ADAMTS15: variants seen among roughly 807,000 people sequenced by gnomAD.
ADAMTS15 encodes the protein ADAM metallopeptidase with thrombospondin type 1 motif 15.
ADAMTS15 carries 35 observed loss-of-function variants against 79.1 expected under a neutral mutation model. The observed-to-expected ratio is 0.44, with a 90% CI of 0.34 to 0.59. The LOEUF (loss-of-function observed/expected upper bound fraction) is 0.59, where lower values mean the gene tolerates loss of function less well. Ranked by LOEUF, ADAMTS15 falls within the 20% of genes least tolerant of loss-of-function variation. ADAMTS15 has a pLI of 0.02. For synonymous variants in ADAMTS15, 616 were observed against 567.3 expected, an observed-to-expected ratio of 1.09 and a Z score of -1.22; for missense variants, 1,324 against 1,318.7, an observed-to-expected ratio of 1.00 and a Z score of -0.06.
Position 130,462,689 on chromosome 11 carries a change from A to C in ADAMTS15, c.1451A>C (p.His484Pro). 2.5e-6 allele frequency: 4 copies of C among 1,613,412 alleles called. No individual in the cohort carries two copies. The highest frequency in any genetic ancestry group is 3.4e-6 in the Non-Finnish European group (4 of 1,179,398). Residue 484 changes from histidine to proline, a missense_variant, in exon 4 of 8, where the codon CAC becomes CCC. By Grantham distance (77) the His-to-Pro change is moderately conservative. Transcript: ENST00000299164. This position sits in a 1 kb window ranked among gnomAD's most constrained non-coding sequence, Gnocchi z 4.3. ...GGACAGATGGTGTGCCAGACCCGCC[A>C]CTTCCCCTGGGCCGATGGCACCAGC... ...AKGQMVCQTR[H>P]FPWADGTSCG...
intron 4 of ADAMTS15, among the ~76,000 whole-genome samples, chr11:130,466,628 C>A (rs1229952458): frequency 6.6e-6 from 1 of 152,234 alleles, no homozygotes; most frequent in Non-Finnish European, 1.5e-5. Context: ...TGGATTAATG[C>A]AGTTGCCTCC....
At position 130,449,493 on chromosome 11, in the gene ADAMTS15, T is replaced by C. The variant is rs1455243347; in HGVS notation, c.520T>C (p.Cys174Arg). ...GCCTTCCGGAGACCCCACCTCTCGC[T>C]GCGGGGTGGCCTCGGGCTGGAACCC... ...GGPSGDPTSR[C>R]GVASGWNPAI... Residue 174 changes from cysteine (C) to arginine (R), a missense_variant, in exon 1 of 8, where the codon TGC (cysteine) becomes CGC (arginine). Transcript: ENST00000299164. This position sits in a 1 kb window ranked among gnomAD's most constrained non-coding sequence, Gnocchi z 7.8. 1 of 1,557,406 alleles carries C rather than the reference T, an allele frequency of 6.4e-7. No individual in the cohort carries two copies. Among genetic ancestry groups the C allele is most frequent in the South Asian group, 1.2e-5 (1 of 82,780 alleles).
At chr11:130,450,089 T>G (rs899965133) in intron 1 of ADAMTS15, 159 bp downstream of exon 1, 2 of 985,342 alleles carry the variant, frequency 2.0e-6, no homozygotes, top group African/African-American at 1.7e-5. Flanking sequence ...GGGAGAGCCC[T>G]CTCCCACGCT....
chr11:130,471,113 T>C lies in ADAMTS15; in HGVS notation c.1902+12T>C, dbSNP rs371359279. The C allele has an allele frequency of 1.2e-6, 2 of 1,608,620 alleles. No individual in the cohort carries two copies. Among genetic ancestry groups the C allele is most frequent in the African/African-American group, 1.3e-5 (1 of 74,796 alleles). ...TGCTGGCACCCAAGGTGAGTGAGCC[T>C]GGGGCCTGAGAACAAAGTAGGGACC... is the stretch of plus-strand genomic sequence containing the variant. On this transcript the variant is annotated intron_variant, in intron 6 of 7. Transcript: ENST00000299164.
Position 130,449,723 on chromosome 11 carries a change from G to A in ADAMTS15, c.750G>A (p.Ala250=). ...TGCTGACGCTGCTGGCAACGGCGGC[G>A]CGACTCTACCGCCATCCCAGCATCC... ...HYLLTLLATA[A]RLYRHPSILN... is the part of the protein sequence containing the mutation. Residue 250 remains alanine, a synonymous_variant, in exon 1 of 8, where the codon GCG becomes GCA. Coordinates refer to ENST00000299164, the MANE Select transcript of ADAMTS15 (RefSeq NM_139055.4). The surrounding 1 kb of genome is among the most constrained non-coding windows in gnomAD (Gnocchi z 7.8). 6.2e-7 allele frequency: 1 copy of A among 1,612,010 alleles called. No homozygotes were observed. The highest frequency in any genetic ancestry group is 1.3e-5 in the African/African-American group (1 of 75,034).
intron 1 of ADAMTS15, among the ~76,000 whole-genome samples, chr11:130,456,316 G>A (rs1938079278): frequency 6.6e-6 from 1 of 152,018 alleles, no homozygotes; most frequent in African/African-American, 2.4e-5. Context: ...TTGCAAGCTT[G>A]GGGTCCCTCT....
chr11:130,454,868 A>C (rs549249970), intron 1 of ADAMTS15, among the ~76,000 whole-genome samples: 1 of 152,276 alleles, frequency 6.6e-6, no homozygotes, highest in Non-Finnish European at 1.5e-5. Flanking sequence ...CAGAAAGGCA[A>C]GTGAGTTTTT....
At position 130,462,737 on chromosome 11, in the gene ADAMTS15, T is replaced by A. The variant is rs1195459305; in HGVS notation, c.1499T>A (p.Leu500His). 2 of 1,605,270 alleles carry A rather than the reference T, an allele frequency of 1.2e-6. No homozygotes were observed. The highest frequency in any genetic ancestry group is 1.7e-6 in the Non-Finnish European group (2 of 1,172,848). Residue 500 changes from leucine (L) to histidine (H), a missense_variant, in exon 4 of 8, where the codon CTC (leucine) becomes CAC (histidine). By Grantham distance (99) the Leu-to-His change is moderately conservative (BLOSUM62 -3). Transcript: ENST00000299164. The surrounding 1 kb of genome is among the most constrained non-coding windows in gnomAD (Gnocchi z 4.3). The part of the protein sequence containing the change: ...GTSCGEGKLC[L>H]KGACVERHNL... ...AGCTGTGGCGAGGGCAAGCTCTGCCTCAAAGGGGCCTGCGTGGAGAGACAC... is the reference window on the plus strand; with the variant it reads ...AGCTGTGGCGAGGGCAAGCTCTGCCACAAAGGGGCCTGCGTGGAGAGACAC...
At chr11:130,452,966 T>G in intron 1 of ADAMTS15, among the ~76,000 whole-genome samples, 3 of 134,162 alleles carry the variant, frequency 2.2e-5, no homozygotes, top group Admixed American at 7.5e-5. Flanking sequence ...GGTGACAGAG[T>G]GAGGCTCTGT....
Position 130,473,337 on chromosome 11 carries a change from C to A in ADAMTS15, c.2369C>A (p.Thr790Lys). 1 of 1,612,950 alleles carries A rather than the reference C, an allele frequency of 6.2e-7. No individual in the cohort carries two copies. Among genetic ancestry groups the A allele is most frequent in the Non-Finnish European group, 8.5e-7 (1 of 1,180,008 alleles). ...GAGGTCCTCTCCGTGGGGAAGATGACACCGCCCCGGGTCCGCTACTCCTTC... is the reference window on the plus strand; with the variant it reads ...GAGGTCCTCTCCGTGGGGAAGATGAAACCGCCCCGGGTCCGCTACTCCTTC... Reference protein sequence around the residue: ...TVEVLSVGKMTPPRVRYSFYL... With the variant: ...TVEVLSVGKMKPPRVRYSFYL... The change falls in exon 8 of 8, where the codon ACA (threonine) becomes AAA (lysine). Residue 790 changes from threonine to lysine, a missense_variant. Physicochemically the swap from Thr to Lys is moderately conservative, Grantham distance 78. Transcript: ENST00000299164.
intron 4 of ADAMTS15, among the ~76,000 whole-genome samples, chr11:130,466,186 T>A (rs1938296790): frequency 6.6e-6 from 1 of 152,224 alleles, no homozygotes; most frequent in Non-Finnish European, 1.5e-5. Context: ...ACTCTCATTT[T>A]CTGAAGTTTG....
chr11:130,470,144 ATATATATGTG>A (rs1196732475), intron 5 of ADAMTS15, among the ~76,000 whole-genome samples: 34 of 64,824 alleles, frequency 5.2e-4, no homozygotes, highest in African/African-American at 8.4e-4. Context: ...ATATATATAT[ATATATATGTG>A]TATATATATA....
At chr11:130,466,918 G>A (rs748222272) in intron 4 of ADAMTS15, among the ~76,000 whole-genome samples, 5 of 152,028 alleles carry the variant, frequency 3.3e-5, no homozygotes, top group Non-Finnish European at 7.4e-5. Context: ...CACAAGAGGG[G>A]CCCCCATAAT....
intron 1 of ADAMTS15, among the ~76,000 whole-genome samples, chr11:130,454,168 C>T (rs887235581): frequency 4.6e-5 from 7 of 152,082 alleles, no homozygotes; most frequent in Non-Finnish European, 8.8e-5. Context: ...CATTTGATGC[C>T]ACCTCTGTTT....
At position 130,449,395 on chromosome 11, in the gene ADAMTS15, A is replaced by G. The variant is rs139785307; in HGVS notation, c.422A>G (p.Asn141Ser). Residue 141 changes from asparagine (N) to serine (S), a missense_variant, in exon 1 of 8, where the codon AAT (asparagine) becomes AGT (serine). Asn to Ser is a conservative substitution (Grantham distance 46, BLOSUM62 1). Coordinates refer to ENST00000299164, the MANE Select transcript of ADAMTS15 (RefSeq NM_139055.4). This position sits in a 1 kb window ranked among gnomAD's most constrained non-coding sequence, Gnocchi z 7.8. ...GAGTATGTCATTAGCCCGCTGCCCA[A>G]TGCTAGCGCGCCGGCGGCGCAGCGC... The part of the protein sequence containing the change: ...GAEYVISPLP[N>S]ASAPAAQRNS... 336 of 1,599,934 alleles carry G rather than the reference A, an allele frequency of 2.1e-4. 2 individuals carry two copies. In the African/African-American group the frequency reaches 3.1e-3, roughly 15 times the overall value.
At chr11:130,467,367 T>C (rs1382607208) in intron 4 of ADAMTS15, among the ~76,000 whole-genome samples, 1 of 150,646 alleles carries the variant, frequency 6.6e-6, no homozygotes, top group Non-Finnish European at 1.5e-5. Context: ...TGTCAGGGAG[T>C]GAAAGGATGG....
chr11:130,450,071 A>G (rs1183278376), intron 1 of ADAMTS15, 141 bp downstream of exon 1: 1 of 1,465,210 alleles, frequency 6.8e-7, no homozygotes, highest in Non-Finnish European at 9.0e-7. Flanking sequence ...AACTCTGTGG[A>G]GTTTCCAGGG....
Position 130,449,137 on chromosome 11 carries a change from T to G in ADAMTS15, c.164T>G (p.Phe55Cys). The G allele has an allele frequency of 1.3e-6, 2 of 1,598,094 alleles. No homozygotes were observed. Among genetic ancestry groups the G allele is most frequent in the Non-Finnish European group, 1.7e-6 (2 of 1,169,312 alleles). Residue 55 changes from phenylalanine to cysteine, a missense_variant, in exon 1 of 8, where the codon TTT (phenylalanine) becomes TGT (cysteine). Coordinates refer to ENST00000299164, the MANE Select transcript of ADAMTS15 (RefSeq NM_139055.4). The surrounding 1 kb of genome is among the most constrained non-coding windows in gnomAD (Gnocchi z 7.8). The part of the protein sequence containing the change: ...PEDSGDQGLI[F>C]QITAFQEDFY... ...GACTCCGGGGATCAGGGACTCATTT[T>G]TCAGATCACAGCATTTCAGGAGGAC...
intron 4 of ADAMTS15, among the ~76,000 whole-genome samples, chr11:130,467,358 G>C (rs1333194889): frequency 6.6e-6 from 1 of 152,158 alleles, no homozygotes; most frequent in Non-Finnish European, 1.5e-5. Flanking sequence ...GGGTGACGCT[G>C]TCAGGGAGTG....
Sources: gnomAD v4.1 joint callset for allele counts (sites outside exome capture counted in the v4.1 genomes callset) on GRCh38, gnomAD v4.1.1 for gene constraint, Gnocchi (gnomAD v3.1) non-coding constraint, MANE v1.5 for transcripts, NCBI Gene and HGNC (gene_info 2026-07-23, HGNC 2026-07-21) for gene names.